ATP8A2: variants seen among roughly 807,000 people sequenced by gnomAD.
ATP8A2 encodes phospholipid-transporting ATPase IB.
A neutral mutation model predicts 165.6 loss-of-function variants in ATP8A2; 100 were observed. That is an observed-to-expected ratio of 0.60 (90% CI 0.51 to 0.71). The LOEUF (loss-of-function observed/expected upper bound fraction) is 0.71. Among genes scored for constraint, ATP8A2 ranks in the 30% least tolerant of loss-of-function variants. The pLI is 0.00. For synonymous variants in ATP8A2, 543 were observed against 548.8 expected (o/e 0.99, Z 0.15); for missense variants, 1,227 against 1,479.5 (o/e 0.83, Z 2.80).
intron 27 of ATP8A2, among the ~76,000 whole-genome samples, chr13:25,777,824 T>C (rs1485354998): frequency 6.6e-6 from 1 of 152,218 alleles, no homozygotes; most frequent in Non-Finnish European, 1.5e-5. Context: ...TAAAAGTGGA[T>C]TTTTCTGTGT....
chr13:26,001,589 C>A (rs1338249001), intron 35 of ATP8A2, among the ~76,000 whole-genome samples: 2 of 152,128 alleles, frequency 1.3e-5, no homozygotes, highest in Non-Finnish European at 2.9e-5. Flanking sequence ...AGTGCTATCT[C>A]ATGGTAGTTT....
At chr13:25,481,924 G>T (rs1376320538) in intron 2 of ATP8A2, among the ~76,000 whole-genome samples, 11 of 151,990 alleles carry the variant, frequency 7.2e-5, no homozygotes, top group Non-Finnish European at 1.5e-4. Context: ...CTCCAAAAGG[G>T]CCCAACAGTA....
chr13:25,726,787 G>A (rs949286782), intron 25 of ATP8A2, among the ~76,000 whole-genome samples: 1 of 152,136 alleles, frequency 6.6e-6, no homozygotes, highest in Non-Finnish European at 1.5e-5. Context: ...GCCTACTACA[G>A]TTGCCTTGAA....
At chr13:25,921,657 G>A (rs986819649) in intron 33 of ATP8A2, among the ~76,000 whole-genome samples, 4 of 151,284 alleles carry the variant, frequency 2.6e-5, no homozygotes, top group African/African-American at 7.3e-5. Context: ...CTGAGTTGAA[G>A]TTCATATTTT....
intron 34 of ATP8A2, among the ~76,000 whole-genome samples, chr13:25,964,632 A>T (rs183375965): frequency 1.1e-3 from 171 of 152,246 alleles, no homozygotes; most frequent in African/African-American, 3.5e-3. Context: ...CTTGGATTTG[A>T]GTTGTCAAGT....
At chr13:25,722,204 C>G (rs1480269604) in intron 25 of ATP8A2, among the ~76,000 whole-genome samples, 1 of 152,180 alleles carries the variant, frequency 6.6e-6, no homozygotes, top group Admixed American at 6.5e-5. Flanking sequence ...GGAGCCGTGG[C>G]TCTGAACCCC....
intron 2 of ATP8A2, among the ~76,000 whole-genome samples, chr13:25,474,728 G>A (rs942509090): frequency 6.6e-6 from 1 of 151,442 alleles, no homozygotes; most frequent in Non-Finnish European, 1.5e-5. Flanking sequence ...TTTTAGGTTC[G>A]GGATATGTGT....
At chr13:25,673,456 C>T (rs117940051) in intron 24 of ATP8A2, among the ~76,000 whole-genome samples, 2 of 152,314 alleles carry the variant, frequency 1.3e-5, no homozygotes, top group East Asian at 3.9e-4. Flanking sequence ...GTCCTCCTGT[C>T]ATGTATGATA....
chr13:25,961,695 T>C lies in ATP8A2; in HGVS notation c.3272+32T>C, dbSNP rs202189693. On this transcript the variant is annotated intron_variant, in intron 34 of 36. Transcript: ENST00000381655. ...TTAACAGTGAAGCGGGGACCCTAAG[T>C]CTGGCTCATCTGTCCCTGGAATTGT... is the stretch of plus-strand genomic sequence containing the variant. The C allele has an allele frequency of 2.1e-6, 3 of 1,460,346 alleles. No individual in the cohort carries two copies. The African/African-American group carries it at 4.2e-5, about 20-fold the overall frequency. 90.5% of individuals were successfully genotyped at this position (1,460,346 alleles called of 1,614,324 possible).
intron 27 of ATP8A2, among the ~76,000 whole-genome samples, chr13:25,775,812 A>G (rs1174078834): frequency 6.6e-6 from 1 of 152,198 alleles, no homozygotes; most frequent in Non-Finnish European, 1.5e-5. Flanking sequence ...GACTCTTAGT[A>G]AAAATAATAA....
rs146388874 is a variant in ATP8A2, at chr13:25,883,137, T to C, written c.3183+20729T>C. Among the ~76,000 whole-genome samples, 113 of 152,266 alleles carry C rather than the reference T, an allele frequency of 7.4e-4. 1 individual carries two copies. The East Asian group carries it at 0.017, about 23-fold the overall frequency. ...GGCTGGGCTCTGACCTCAGGCTGTC[T>C]CCAGGGCTTCTAACAGCAGCCATTC... On this transcript the variant is annotated intron_variant, in intron 33 of 36. Coordinates refer to ENST00000381655, the MANE Select transcript of ATP8A2 (RefSeq NM_016529.6).
chr13:25,928,583 AC>A (rs970381173), intron 33 of ATP8A2, among the ~76,000 whole-genome samples: 2 of 152,208 alleles, frequency 1.3e-5, no homozygotes, highest in African/African-American at 4.8e-5. Flanking sequence ...TTAAAAGAAA[AC>A]TGATACTCAG....
intron 25 of ATP8A2, among the ~76,000 whole-genome samples, chr13:25,741,395 G>T (rs1306298327): frequency 6.6e-6 from 1 of 152,116 alleles, no homozygotes; most frequent in Non-Finnish European, 1.5e-5. Context: ...GTTTGTTTGT[G>T]TTTAGACAGG....
intron 1 of ATP8A2, among the ~76,000 whole-genome samples, chr13:25,420,234 A>AT (rs1396439433): frequency 2.0e-5 from 3 of 152,138 alleles, no homozygotes; most frequent in Non-Finnish European, 4.4e-5. Context: ...CTTCATTTGT[A>AT]TTTTTTTAAA....
chr13:25,718,103 T>G (rs954913042), intron 25 of ATP8A2, among the ~76,000 whole-genome samples: 3 of 152,202 alleles, frequency 2.0e-5, no homozygotes, highest in African/African-American at 7.2e-5. Flanking sequence ...ATTTATTCCC[T>G]TGATGTTGGC....
intron 24 of ATP8A2, among the ~76,000 whole-genome samples, chr13:25,616,953 G>A (rs2040842981): frequency 6.6e-6 from 1 of 152,076 alleles, no homozygotes; most frequent in African/African-American, 2.4e-5. Context: ...GGTGGTACAT[G>A]TATAATTTAA....
At chr13:25,946,039 A>G (rs1012526769) in intron 33 of ATP8A2, among the ~76,000 whole-genome samples, 1 of 152,206 alleles carries the variant, frequency 6.6e-6, no homozygotes, top group African/African-American at 2.4e-5. Context: ...TGACCAGGCT[A>G]GGCAGGACAG....
At chr13:25,766,659 C>G (rs2138275652) in intron 25 of ATP8A2, among the ~76,000 whole-genome samples, 1 of 152,282 alleles carries the variant, frequency 6.6e-6, no homozygotes, top group East Asian at 1.9e-4. Context: ...TGAGCTACTT[C>G]CAGCTAGTAT....
chr13:25,884,987 A>G (rs1327179530), intron 33 of ATP8A2, among the ~76,000 whole-genome samples: 1 of 151,666 alleles, frequency 6.6e-6, no homozygotes, highest in Non-Finnish European at 1.5e-5. Context: ...CCTTGCCTGC[A>G]TGGCCTTCCT....
Sources: allele counts gnomAD v4.1 joint callset (sites outside exome capture counted in the v4.1 genomes callset), GRCh38; gene constraint gnomAD v4.1.1; transcripts MANE v1.5; gene names NCBI Gene and HGNC (gene_info 2026-07-23, HGNC 2026-07-21).